Variants in ADGRL3 observed in about 807,000 individuals in gnomAD.
ADGRL3 encodes calcium-independent alpha-latrotoxin receptor 3.
ADGRL3 carries 62 observed loss-of-function variants against 153.5 expected under a neutral mutation model. That is an observed-to-expected ratio of 0.40 (90% confidence interval 0.33 to 0.50). ADGRL3 has a LOEUF of 0.50. ADGRL3 is among the 20% of genes least tolerant of loss of function. ADGRL3 has a pLI of 0.47. For synonymous variants in ADGRL3, 710 were observed against 672.5 expected (o/e 1.06, Z -0.86); for missense variants, 1,641 against 1,859.4 (o/e 0.88, Z 2.16).
chr4:61,508,874 C>T (rs2098446692), intron 3 of ADGRL3, among the ~76,000 whole-genome samples: 1 of 152,094 alleles, frequency 6.6e-6, no homozygotes. Context: ...GCCTCAGAAT[C>T]ATGGCGGGAG....
At chr4:61,316,469 T>A (rs956230859) in intron 1 of ADGRL3, among the ~76,000 whole-genome samples, 1 of 152,182 alleles carries the variant, frequency 6.6e-6, no homozygotes, top group Non-Finnish European at 1.5e-5. Flanking sequence ...TAAAAGTAAT[T>A]GCAAAAACCG....
chr4:61,724,659 G>T (rs2096295269), intron 6 of ADGRL3, among the ~76,000 whole-genome samples: 2 of 152,170 alleles, frequency 1.3e-5, no homozygotes, highest in African/African-American at 4.8e-5. Flanking sequence ...GAGCTGCAGA[G>T]ATTACTCCTC....
At chr4:61,235,097 A>G (rs567927667) in intron 1 of ADGRL3, among the ~76,000 whole-genome samples, 1 of 152,182 alleles carries the variant, frequency 6.6e-6, no homozygotes, top group Non-Finnish European at 1.5e-5. Flanking sequence ...CTTTAAGGCT[A>G]TAAGAAATAA....
chr4:61,504,479 A>T (rs906027447), intron 3 of ADGRL3, among the ~76,000 whole-genome samples: 1 of 152,172 alleles, frequency 6.6e-6, no homozygotes, highest in African/African-American at 2.4e-5. Flanking sequence ...CTGTCATCTC[A>T]AATTTTTATT....
chr4:61,504,000 C>A lies in ADGRL3; in HGVS notation c.55+6652C>A, dbSNP rs1159308648. ...CCCTCATCACTTCAAATTCTCCAAC[C>A]CCCTTTTTGTAAGACAGGGTTTCAC... On this transcript the variant is annotated intron_variant, in intron 3 of 26. Coordinates refer to ENST00000683033, the MANE Select transcript of ADGRL3 (RefSeq NM_001387552.1). Among the ~76,000 whole-genome samples the A allele has an allele frequency of 2.0e-5, 3 of 151,982 alleles. No homozygotes were observed. The East Asian group carries it at 5.8e-4, about 29-fold the overall frequency.
chr4:61,795,464 T>C (rs1451561484), intron 8 of ADGRL3, among the ~76,000 whole-genome samples: 1 of 152,216 alleles, frequency 6.6e-6, no homozygotes, highest in African/African-American at 2.4e-5. Context: ...CAGCAACTAC[T>C]GATTAGAATT....
intron 15 of ADGRL3, among the ~76,000 whole-genome samples, chr4:61,936,399 A>C (rs1229529899): frequency 6.6e-6 from 1 of 152,092 alleles, no homozygotes; most frequent in African/African-American, 2.4e-5. Context: ...TTTTTAATGT[A>C]AATTTTACTT....
At chr4:61,466,591 G>A (rs897878178) in intron 2 of ADGRL3, among the ~76,000 whole-genome samples, 4 of 152,012 alleles carry the variant, frequency 2.6e-5, no homozygotes, top group East Asian at 3.9e-4. Flanking sequence ...ATTAAATATC[G>A]TCAGGAGATT....
At chr4:61,245,555 A>G (rs986021265) in intron 1 of ADGRL3, among the ~76,000 whole-genome samples, 18 of 152,010 alleles carry the variant, frequency 1.2e-4, no homozygotes, top group Non-Finnish European at 1.5e-5. Flanking sequence ...TCTCTCCCAC[A>G]TGCAATTACT....
At chr4:61,620,363 T>G (rs542545395) in intron 5 of ADGRL3, among the ~76,000 whole-genome samples, 119 of 152,246 alleles carry the variant, frequency 7.8e-4, no homozygotes, top group African/African-American at 2.8e-3. Context: ...ACTTCAGATC[T>G]AAACTGATTT....
chr4:61,372,773 G>C (rs983297325), intron 1 of ADGRL3, among the ~76,000 whole-genome samples: 1 of 152,000 alleles, frequency 6.6e-6, no homozygotes, highest in South Asian at 2.1e-4. Flanking sequence ...CGAGCTTCCC[G>C]GCTGCTTTGT....
At chr4:61,217,326 A>C (rs1203835499) in intron 1 of ADGRL3, among the ~76,000 whole-genome samples, 1 of 152,210 alleles carries the variant, frequency 6.6e-6, no homozygotes, top group Non-Finnish European at 1.5e-5. Flanking sequence ...AGAGCCAGTG[A>C]CATGTGAACT....
intron 21 of ADGRL3, among the ~76,000 whole-genome samples, chr4:62,017,980 G>C (rs1170349312): frequency 6.6e-6 from 1 of 152,026 alleles, no homozygotes; most frequent in Non-Finnish European, 1.5e-5. Context: ...AGCCTCCCGG[G>C]TTCAAGTAAT....
intron 1 of ADGRL3, among the ~76,000 whole-genome samples, chr4:61,241,364 A>G (rs1415815773): frequency 1.3e-5 from 2 of 152,192 alleles, no homozygotes; most frequent in Middle Eastern, 3.4e-3. Flanking sequence ...ATCTTGAATG[A>G]TAGCCATAGG....
intron 1 of ADGRL3, among the ~76,000 whole-genome samples, chr4:61,308,180 G>A (rs1194367876): frequency 6.6e-6 from 1 of 152,162 alleles, no homozygotes; most frequent in Non-Finnish European, 1.5e-5. Flanking sequence ...TGACGATCAT[G>A]CGTTAGCTGT....
At chr4:61,460,215 A>T (rs543210444) in intron 2 of ADGRL3, among the ~76,000 whole-genome samples, 1 of 152,146 alleles carries the variant, frequency 6.6e-6, no homozygotes, top group South Asian at 2.1e-4. Flanking sequence ...TTTGGATCTT[A>T]CATTTAAGTC....
In ADGRL3 at chr4:62,078,011, T is replaced by A. The variant is rs1747691070; in HGVS notation, c.*7103T>A. 5 of 151,984 alleles carry A rather than the reference T, an allele frequency of 3.3e-5. No individual in the cohort carries two copies. The South Asian group carries it at 8.3e-4, about 25-fold the overall frequency. 9.4% of individuals were successfully genotyped at this position (151,984 alleles called of 1,614,324 possible). ...AACTTTTTCCATACTGTTTTCCCCC[T>A]CACCAAGCATTAAATCTAATTCAAA... is the stretch of plus-strand genomic sequence containing the variant. On this transcript the variant is annotated 3_prime_UTR_variant, in exon 27 of 27. Coordinates refer to ENST00000683033, the MANE Select transcript of ADGRL3 (RefSeq NM_001387552.1).
chr4:61,450,247 A>G (rs1254653992), intron 2 of ADGRL3, among the ~76,000 whole-genome samples: 1 of 152,198 alleles, frequency 6.6e-6, no homozygotes, highest in Non-Finnish European at 1.5e-5. Flanking sequence ...GAAAACTGTT[A>G]ATTTCACTAT....
intron 9 of ADGRL3, among the ~76,000 whole-genome samples, chr4:61,846,801 A>G (rs1325203120): frequency 2.0e-5 from 3 of 151,888 alleles, no homozygotes; most frequent in Non-Finnish European, 1.5e-5. Flanking sequence ...GGGAGCAGGC[A>G]TGTCACATGG....
Sources: gnomAD v4.1 joint callset for allele counts (sites outside exome capture counted in the v4.1 genomes callset) on GRCh38, gnomAD v4.1.1 for gene constraint, MANE v1.5 for transcripts, NCBI Gene and HGNC (gene_info 2026-07-23, HGNC 2026-07-21) for gene names.